ALPL: variants seen among roughly 807,000 people sequenced by gnomAD.
ALPL encodes alkaline phosphatase, biomineralization associated.
A neutral mutation model predicts 51.3 loss-of-function variants in ALPL; 42 were observed. That is an observed-to-expected ratio of 0.82 (90% CI 0.64 to 1.06). The LOEUF (loss-of-function observed/expected upper bound fraction) is 1.06, where lower values mean the gene tolerates loss of function less well. Among genes scored for constraint, ALPL ranks in the 50% least tolerant of loss-of-function variants. The pLI is 0.00. For missense variants in ALPL, 589 were observed against 709.4 expected (o/e 0.83, Z 1.93); for synonymous variants, 279 against 296.4 (o/e 0.94, Z 0.60).
At position 21,573,804 on chromosome 1, in the gene ALPL, G is replaced by A. The variant is rs1412460766; in HGVS notation, c.997+5G>A. The A allele has an allele frequency of 3.1e-6, 5 of 1,614,158 alleles. No individual in the cohort carries two copies. In the South Asian group the frequency reaches 4.4e-5, roughly 14 times the overall value. ...GCTTCTTCTTGCTGGTGGAAGGTAG[G>A]GACCCCGGGTCTGCTGAGAGGGGGC... On this transcript the variant is annotated splice_donor_5th_base_variant and intron_variant, in intron 9 of 11. Transcript: ENST00000374840.
At chr1:21,537,086 C>T (rs1424410758) in intron 1 of ALPL, among the ~76,000 whole-genome samples, 2 of 151,952 alleles carry the variant, frequency 1.3e-5, no homozygotes, top group East Asian at 3.9e-4. Flanking sequence ...TTAGTAGAGA[C>T]AGGGTTTCAC....
rs1643966629 is a variant in ALPL, at chr1:21,527,656, T to C, written c.-105+18139T>C. On this transcript the variant is annotated intron_variant, in intron 1 of 11. Coordinates refer to ENST00000374840, the MANE Select transcript of ALPL (RefSeq NM_000478.6). ...GCTCTGCCTCCTGGGTTTAGGCGAT[T>C]CTCCTGCCTCAGCTTCCTGAATAGC... is the stretch of plus-strand genomic sequence containing the variant. Among the ~76,000 whole-genome samples the C allele has an allele frequency of 2.0e-5, 3 of 151,894 alleles. 1 individual carries two copies. Among genetic ancestry groups the C allele is most frequent in the African/African-American group, 7.3e-5 (3 of 41,310 alleles).
intron 1 of ALPL, among the ~76,000 whole-genome samples, chr1:21,545,047 A>G (rs965960570): frequency 1.3e-5 from 2 of 152,126 alleles, no homozygotes; most frequent in African/African-American, 4.8e-5. Flanking sequence ...GAGACCAAAT[A>G]AGTACATTTA....
chr1:21,538,396 C>T (rs191941087), intron 1 of ALPL, among the ~76,000 whole-genome samples: 5 of 152,314 alleles, frequency 3.3e-5, no homozygotes, highest in African/African-American at 7.2e-5. Context: ...TCTGGGAATG[C>T]GAGGAACGCT....
In ALPL at chr1:21,568,193, G is replaced by T. The variant is rs1223142821; in HGVS notation, c.738G>T (p.Arg246Ser). The change falls in exon 7 of 12, where the codon AGG becomes AGT. Residue 246 changes from arginine (R) to serine (S), a missense_variant. Arg to Ser is a moderately radical substitution (Grantham distance 110). Transcript: ENST00000374840. ...YESDEKARGT[R>S]LDGLDLVDTW... ...GTGACGAGAAAGCCAGGGGCACGAG[G>T]CTGGACGGCCTGGACCTCGTTGACA... 7 of 1,614,108 alleles carry T rather than the reference G, an allele frequency of 4.3e-6. No individual in the cohort carries two copies. Among genetic ancestry groups the T allele is most frequent in the Non-Finnish European group, 5.1e-6 (6 of 1,180,030 alleles).
chr1:21,544,910 T>G lies in ALPL; in HGVS notation c.-104-9068T>G, dbSNP rs537173574. On this transcript the variant is annotated intron_variant, in intron 1 of 11. Coordinates refer to ENST00000374840, the MANE Select transcript of ALPL (RefSeq NM_000478.6). ...ATGCTAAAACCAGGTTTTGTTTTGT[T>G]TTTTTTTCTTGTAAACAGGACATTC... Among the ~76,000 whole-genome samples the G allele has an allele frequency of 2.0e-3, 300 of 151,840 alleles. 2 individuals carry two copies. The highest frequency in any genetic ancestry group is 7.1e-3 in the African/African-American group (293 of 41,236).
intron 1 of ALPL, among the ~76,000 whole-genome samples, chr1:21,539,889 C>G (rs1279379192): frequency 6.6e-6 from 1 of 152,076 alleles, no homozygotes; most frequent in African/African-American, 2.4e-5. Flanking sequence ...ATCTCCTGAC[C>G]TCGTGATCTG....
At chr1:21,540,450 G>GT (rs1046965581) in intron 1 of ALPL, among the ~76,000 whole-genome samples, 3 of 152,210 alleles carry the variant, frequency 2.0e-5, no homozygotes, top group Non-Finnish European at 4.4e-5. Context: ...GACCCTCAGG[G>GT]TTTCTGATTC....
At chr1:21,537,652 G>T (rs1347186838) in intron 1 of ALPL, among the ~76,000 whole-genome samples, 2 of 152,220 alleles carry the variant, frequency 1.3e-5, no homozygotes, top group South Asian at 4.1e-4. Context: ...GATGGCTGAG[G>T]CACGAGCTCT....
intron 1 of ALPL, among the ~76,000 whole-genome samples, chr1:21,527,181 C>T (rs1311295500): frequency 6.6e-6 from 1 of 151,768 alleles, no homozygotes; most frequent in East Asian, 1.9e-4. Context: ...TACAGGCATG[C>T]ACCACCACAC....
rs1644754473 is a variant in ALPL at position 21,577,461 on chromosome 1, C to G, written c.1388C>G (p.Ser463Cys). The G allele has an allele frequency of 1.9e-6, 3 of 1,611,146 alleles. No homozygotes were observed. Among genetic ancestry groups the G allele is most frequent in the Non-Finnish European group, 2.5e-6 (3 of 1,179,938 alleles). ...THGGEDVAVFSKGPMAHLLHG... is the reference protein window; with the variant it reads ...THGGEDVAVFCKGPMAHLLHG... ...GGCGGGGAGGACGTGGCCGTCTTCT[C>G]CAAGGGCCCCATGGCGCACCTGCTG... Residue 463 changes from serine (S) to cysteine (C), a missense_variant, in exon 12 of 12, where the codon TCC (serine) becomes TGC (cysteine). Ser to Cys is a moderately radical substitution (Grantham distance 112, BLOSUM62 -1). Transcript: ENST00000374840.
At chr1:21,521,325 C>T (rs902611524) in intron 1 of ALPL, among the ~76,000 whole-genome samples, 1 of 152,212 alleles carries the variant, frequency 6.6e-6, no homozygotes, top group African/African-American at 2.4e-5. Flanking sequence ...GCTGGGATTA[C>T]AGGTGCCTGA....
At chr1:21,528,468 C>T (rs1377223624) in intron 1 of ALPL, among the ~76,000 whole-genome samples, 1 of 151,512 alleles carries the variant, frequency 6.6e-6, no homozygotes, top group Non-Finnish European at 1.5e-5. Flanking sequence ...CTGCCTCAGC[C>T]TCCCAAGTAG....
intron 1 of ALPL, among the ~76,000 whole-genome samples, chr1:21,542,828 A>T (rs1644205839): frequency 6.6e-6 from 1 of 151,878 alleles, no homozygotes; most frequent in South Asian, 2.1e-4. Flanking sequence ...ACAGAGCAAG[A>T]CTCCATCCCC....
chr1:21,516,030 C>T (rs1558524923), intron 1 of ALPL, among the ~76,000 whole-genome samples: 1 of 152,148 alleles, frequency 6.6e-6, no homozygotes, highest in Non-Finnish European at 1.5e-5. Context: ...AGGCATTCGC[C>T]ACCACGCCCC....
chr1:21,520,563 G>A (rs1414911978), intron 1 of ALPL, among the ~76,000 whole-genome samples: 2 of 142,918 alleles, frequency 1.4e-5, no homozygotes, highest in African/African-American at 5.2e-5. Context: ...CCAGGTTCAA[G>A]TGATTCTCCT....
Position 21,568,252 on chromosome 1 carries a change from C to T in ALPL, c.792+5C>T. ...AGCTTCAAACCGAGATACAAGGTAG[C>T]CTGTGCTGGGGCCATGTGGCTGCAG... On this transcript the variant is annotated splice_donor_5th_base_variant and intron_variant, in intron 7 of 11. Coordinates refer to ENST00000374840, the MANE Select transcript of ALPL (RefSeq NM_000478.6). 1.2e-6 allele frequency: 2 copies of T among 1,614,004 alleles called. No individual in the cohort carries two copies. The highest frequency in any genetic ancestry group is 1.1e-5 in the South Asian group (1 of 91,064).
At chr1:21,545,492 T>C (rs1386792646) in intron 1 of ALPL, among the ~76,000 whole-genome samples, 1 of 152,046 alleles carries the variant, frequency 6.6e-6, no homozygotes, top group Admixed American at 6.5e-5. Flanking sequence ...GGTTTCATCA[T>C]GTTGGCCAGG....
chr1:21,535,194 C>A (rs969456407), intron 1 of ALPL, among the ~76,000 whole-genome samples: 1 of 152,224 alleles, frequency 6.6e-6, no homozygotes, highest in Admixed American at 6.5e-5. Flanking sequence ...ATAGGGCAGA[C>A]GCCTGAGAAA....
Sources: allele counts gnomAD v4.1 joint callset (sites outside exome capture counted in the v4.1 genomes callset), GRCh38; gene constraint gnomAD v4.1.1; transcripts MANE v1.5; gene names NCBI Gene and HGNC (gene_info 2026-07-23, HGNC 2026-07-21).